Variants in HARBI1 observed in about 807,000 individuals in gnomAD.
The protein encoded by HARBI1 is putative nuclease HARBI1.
HARBI1 carries 15 observed loss-of-function variants against 25.3 expected under a neutral mutation model. The ratio of observed to expected loss-of-function variants is 0.59; its 90% confidence interval spans 0.40 to 0.91. The LOEUF (loss-of-function observed/expected upper bound fraction) is 0.91, where lower values mean the gene tolerates loss of function less well. HARBI1 is among the 40% of genes least tolerant of loss of function. HARBI1 has a pLI of 0.00. For synonymous variants in HARBI1, 168 were observed against 160.5 expected (o/e 1.05, Z -0.35); for missense variants, 396 against 445.8 (o/e 0.89, Z 1.01).
At chr11:46,614,026 T>C (rs1434464664) in intron 2 of HARBI1, among the ~76,000 whole-genome samples, 1 of 152,090 alleles carries the variant, frequency 6.6e-6, no homozygotes, top group African/African-American at 2.4e-5. Flanking sequence ...GCAATAAAAA[T>C]TCTTGTATGC....
chr11:46,610,572 G>A (rs1376454114), intron 2 of HARBI1, among the ~76,000 whole-genome samples: 1 of 151,860 alleles, frequency 6.6e-6, no homozygotes, highest in African/African-American at 2.4e-5. Flanking sequence ...AGGCAGGAGA[G>A]TGCTGTGAAC....
At chr11:46,608,299 AAAC>A (rs527494685) in intron 2 of HARBI1, among the ~76,000 whole-genome samples, 54 of 151,964 alleles carry the variant, frequency 3.6e-4, no homozygotes, top group Middle Eastern at 3.4e-3. Context: ...ACTCCATCTC[AAAC>A]AACAACAACA....
Position 46,616,862 on chromosome 11 carries a change from A to C in HARBI1, c.-145+262T>G, listed in dbSNP as rs1451132693. ...AAAAAAAAAAAAAAAAAAAAAAAAA[A>C]CAACCAAAGTCCACAACCCAGCCTT... On this transcript the variant is annotated intron_variant, in intron 1 of 2. Transcript: ENST00000326737. The C allele has an allele frequency of 2.6e-5, 24 of 910,086 alleles. No individual in the cohort carries two copies. In the Admixed American group the frequency reaches 3.5e-4, roughly 13 times the overall value. 56.4% of individuals were successfully genotyped at this position (910,086 alleles called of 1,614,324 possible). A position where few individuals can be genotyped will look rare whatever the true frequency, so the allele number is the denominator to read the frequency against.
At chr11:46,617,827 C>T (rs1442046016), upstream of HARBI1, 1 of 399,248 alleles carries the variant, frequency 2.5e-6, no homozygotes, top group Non-Finnish European at 4.4e-6. Flanking sequence ...CGCGGCTGGT[C>T]GGTCCCAGGT....
chr11:46,603,863 G>C lies in HARBI1; in HGVS notation c.717C>G (p.His239Gln). The C allele has an allele frequency of 6.2e-7, 1 of 1,614,014 alleles. No individual in the cohort carries two copies. The highest frequency in any genetic ancestry group is 8.5e-7 in the Non-Finnish European group (1 of 1,179,916). Residue 239 changes from histidine (H) to glutamine (Q), a missense_variant, in exon 3 of 3, where the codon CAC becomes CAG. Coordinates refer to ENST00000326737, the MANE Select transcript of HARBI1 (RefSeq NM_173811.4). Reference sequence around the variant, plus strand: ...GATATTCTGCTGGAGTTTCAGGAATGTGAAGTGGGGTCATGAGCCAGGTTC... The same window carrying C: ...GATATTCTGCTGGAGTTTCAGGAATCTGAAGTGGGGTCATGAGCCAGGTTC... Reference protein sequence around the residue: ...FLRTWLMTPLHIPETPAEYRY... With the variant: ...FLRTWLMTPLQIPETPAEYRY...
At chr11:46,607,034 G>A (rs184019019) in intron 2 of HARBI1, among the ~76,000 whole-genome samples, 5 of 152,270 alleles carry the variant, frequency 3.3e-5, no homozygotes, top group African/African-American at 1.2e-4. Flanking sequence ...AGAGGCTAAG[G>A]CAGGCGGATC....
chr11:46,603,872 G>T lies in HARBI1; in HGVS notation c.708C>A (p.Thr236=), dbSNP rs762806216. The part of the protein sequence containing the change: ...SSFFLRTWLM[T]PLHIPETPAE... ...CTGGAGTTTCAGGAATGTGAAGTGG[G>T]GTCATGAGCCAGGTTCGAAGAAAGA... Residue 236 remains threonine (T), a synonymous_variant, in exon 3 of 3, where the codon ACC becomes ACA. Coordinates refer to ENST00000326737, the MANE Select transcript of HARBI1 (RefSeq NM_173811.4). 175 of 1,613,758 alleles carry T rather than the reference G, an allele frequency of 1.1e-4. 1 individual carries two copies. In the Middle Eastern group the frequency reaches 1.3e-3, roughly 12 times the overall value.
upstream of HARBI1, chr11:46,617,764 G>T: frequency 2.5e-6 from 1 of 398,978 alleles, no homozygotes; most frequent in South Asian, 1.3e-4. Context: ...GGTGTCTATC[G>T]GCGACGTGTA....
Position 46,610,749 on chromosome 11 carries a change from A to G in HARBI1, c.670+4819T>C, listed in dbSNP as rs190929209. Among the ~76,000 whole-genome samples the G allele has an allele frequency of 1.9e-3, 288 of 152,312 alleles. 2 individuals are homozygous for G. Among genetic ancestry groups the G allele is most frequent in the Middle Eastern group, 0.01 (3 of 294 alleles). On this transcript the variant is annotated intron_variant, in intron 2 of 2. Transcript: ENST00000326737. ...CTCTTTCTGTAGAGAGGGGCATCAG[A>G]AAAGTTATTTATCAGAATTTTTACT...
At chr11:46,617,857 G>T (rs532286710), upstream of HARBI1, 12 of 399,178 alleles carry the variant, frequency 3.0e-5, no homozygotes, top group South Asian at 1.3e-3. Context: ...CGTAATGAGA[G>T]CCCGGAACCA....
intron 2 of HARBI1, among the ~76,000 whole-genome samples, chr11:46,605,716 T>A (rs958942093): frequency 6.7e-6 from 1 of 150,370 alleles, no homozygotes; most frequent in Non-Finnish European, 1.5e-5. Flanking sequence ...GCCTCCTGAG[T>A]AGCTGGGACT....
At chr11:46,617,010 G>C in intron 1 of HARBI1, 114 bp downstream of exon 1, 3 of 985,392 alleles carry the variant, frequency 3.0e-6, no homozygotes, top group Non-Finnish European at 3.6e-6. Flanking sequence ...GCGAAAAAGA[G>C]GCTGGCCGAA....
intron 2 of HARBI1, among the ~76,000 whole-genome samples, chr11:46,612,347 T>C (rs142235427): frequency 3.9e-5 from 6 of 152,170 alleles, no homozygotes; most frequent in Admixed American, 6.6e-5. Flanking sequence ...TCTTATATGT[T>C]GTATACAAGA....
chr11:46,603,485 T>C lies in HARBI1; in HGVS notation c.*45A>G. 5.3e-6 allele frequency: 8 copies of C among 1,516,864 alleles called. No homozygotes were observed. Among genetic ancestry groups the C allele is most frequent in the South Asian group, 3.9e-5 (3 of 77,454 alleles). 94.0% of individuals were successfully genotyped at this position (1,516,864 alleles called of 1,614,324 possible). The stretch of plus-strand genomic sequence containing the variant: ...GTGTAAAAGGTGATGAGGAGGAAAG[T>C]CTGTCACAACTCCTGGGAAGTATCC... On this transcript the variant is annotated 3_prime_UTR_variant, in exon 3 of 3. Transcript: ENST00000326737.
rs1035815398 is a variant in HARBI1, at chr11:46,615,710, G to A, written c.528C>T (p.Cys176=). The change falls in exon 2 of 3, where the codon TGC becomes TGT. Residue 176 remains cysteine (C), a synonymous_variant. Transcript: ENST00000326737. The part of the protein sequence containing the change: ...VNRKGLHSLN[C]LMVCDIRGTL... ...TCCCTCTAATGTCACACACCATCAG[G>A]CAGTTTAAAGAATGCAGGCCTTTTC... 4 of 1,614,140 alleles carry A rather than the reference G, an allele frequency of 2.5e-6. No individual in the cohort carries two copies. The highest frequency in any genetic ancestry group is 3.4e-6 in the Non-Finnish European group (4 of 1,180,038).
At chr11:46,610,716 CA>C (rs1001295101) in intron 2 of HARBI1, among the ~76,000 whole-genome samples, 3 of 152,050 alleles carry the variant, frequency 2.0e-5, no homozygotes, top group African/African-American at 7.2e-5. Context: ...CCATTTTTCC[CA>C]CTCCTACTCT....
At chr11:46,607,187 G>A (rs776212819) in intron 2 of HARBI1, among the ~76,000 whole-genome samples, 18 of 151,420 alleles carry the variant, frequency 1.2e-4, no homozygotes, top group African/African-American at 3.9e-4. Flanking sequence ...GTTTGAACCT[G>A]GGAGGTAGAG....
chr11:46,613,747 T>C (rs1193054345), intron 2 of HARBI1, among the ~76,000 whole-genome samples: 1 of 152,178 alleles, frequency 6.6e-6, no homozygotes, highest in Non-Finnish European at 1.5e-5. Context: ...CCTCACACAG[T>C]GCTGGGATTA....
chr11:46,609,757 G>A (rs1368883164), intron 2 of HARBI1, among the ~76,000 whole-genome samples: 1 of 151,514 alleles, frequency 6.6e-6, no homozygotes, highest in African/African-American at 2.4e-5. Context: ...TTGGGAGGCT[G>A]AGGTGGACTG....
Sources: allele counts gnomAD v4.1 joint callset (sites outside exome capture counted in the v4.1 genomes callset), GRCh38; gene constraint gnomAD v4.1.1; transcripts MANE v1.5; gene names NCBI Gene and HGNC (gene_info 2026-07-23, HGNC 2026-07-21).